The following SLC8A1 variants were observed in gnomAD, a reference collection of about 807,000 sequenced individuals.
SLC8A1 encodes sodium/calcium exchanger 1.
A neutral mutation model predicts 68.3 loss-of-function variants in SLC8A1; 18 were observed. The observed-to-expected ratio is 0.26, with a 90% CI of 0.18 to 0.39. SLC8A1 has a LOEUF of 0.39. Ranked by LOEUF, SLC8A1 falls within the 10% of genes least tolerant of loss-of-function variation. SLC8A1 has a pLI of 1.00. For synonymous variants in SLC8A1, 475 were observed against 415.5 expected (o/e 1.14, Z -1.74); for missense variants, 985 against 1,156.7 (o/e 0.85, Z 2.15).
At chr2:40,426,010 G>A (rs1391488170) in intron 2 of SLC8A1, among the ~76,000 whole-genome samples, 2 of 151,882 alleles carry the variant, frequency 1.3e-5, no homozygotes, top group Non-Finnish European at 1.5e-5. Flanking sequence ...GAAACCTTGT[G>A]TTTGAATCTT....
intron 2 of SLC8A1, among the ~76,000 whole-genome samples, chr2:40,294,714 A>G (rs2070006667): frequency 6.6e-6 from 1 of 152,182 alleles, no homozygotes; most frequent in South Asian, 2.1e-4. Context: ...ATATCCTTAA[A>G]TGTTAAAAAG....
intron 2 of SLC8A1, among the ~76,000 whole-genome samples, chr2:40,180,122 A>G (rs17503660): frequency 6.6e-6 from 1 of 151,926 alleles, no homozygotes; most frequent in Admixed American, 6.6e-5. Context: ...TCATCTTTTA[A>G]AGAGTGGTTA....
In SLC8A1 at chr2:40,246,371, C is replaced by T. The variant is rs906392601; in HGVS notation, c.1809-68516G>A. Among the ~76,000 whole-genome samples, 6 of 152,318 alleles carry T rather than the reference C, an allele frequency of 3.9e-5. No homozygotes were observed. In the South Asian group the frequency reaches 8.3e-4, roughly 21 times the overall value. ...ACCCTGCAATCATGCAACTTTTGGC[C>T]AGAGTCAAATAGGGCAACTAAATTT... On this transcript the variant is annotated intron_variant, in intron 2 of 7. Transcript: ENST00000406785.
intron 4 of SLC8A1, among the ~76,000 whole-genome samples, chr2:40,166,477 C>T (rs1266532200): frequency 1.3e-5 from 2 of 152,132 alleles, no homozygotes; most frequent in African/African-American, 4.8e-5. Context: ...TAGTTGCAGA[C>T]TAAAAATAAA....
chr2:40,255,755 G>C (rs768608425), intron 2 of SLC8A1, among the ~76,000 whole-genome samples: 45 of 152,206 alleles, frequency 3.0e-4, no homozygotes, highest in Non-Finnish European at 5.1e-4. Flanking sequence ...AGACTATCAC[G>C]GTATCCTTCA....
intron 2 of SLC8A1, among the ~76,000 whole-genome samples, chr2:40,237,538 C>G (rs1467675687): frequency 6.6e-6 from 1 of 151,628 alleles, no homozygotes; most frequent in African/African-American, 2.4e-5. Flanking sequence ...AACTTCTTTG[C>G]CTTTGGTTTG....
chr2:40,207,198 C>A (rs2055617137), intron 2 of SLC8A1, among the ~76,000 whole-genome samples: 1 of 151,928 alleles, frequency 6.6e-6, no homozygotes. Flanking sequence ...GTCTTAGGTT[C>A]AATTAAAGAT....
At chr2:40,427,211 A>G (rs1317831123) in intron 2 of SLC8A1, among the ~76,000 whole-genome samples, 1 of 152,040 alleles carries the variant, frequency 6.6e-6, no homozygotes, top group South Asian at 2.1e-4. Context: ...AAAGAGATGT[A>G]AAGACACTGG....
At position 40,124,225 on chromosome 2, in the gene SLC8A1, T is replaced by C. The variant is rs188207414; in HGVS notation, c.2438-8596A>G. 5.8e-4 allele frequency among the ~76,000 whole-genome samples: 89 copies of C among 152,314 alleles called. 2 individuals are homozygous for C. Among genetic ancestry groups the C allele is most frequent in the African/African-American group, 2.1e-3 (86 of 41,580 alleles). On this transcript the variant is annotated intron_variant, in intron 7 of 7. Coordinates refer to ENST00000406785, the Ensembl canonical transcript of SLC8A1. Reference sequence around the variant, plus strand: ...TAGCCTTAATGGGTTATAAGGAAACTTCGTTGTCAGCTGGATTATACTGGT... The same window carrying C: ...TAGCCTTAATGGGTTATAAGGAAACCTCGTTGTCAGCTGGATTATACTGGT...
chr2:40,499,958 T>C (rs911084881), intron 1 of SLC8A1, among the ~76,000 whole-genome samples: 1 of 152,062 alleles, frequency 6.6e-6, no homozygotes, highest in African/African-American at 2.4e-5. Flanking sequence ...TGATGTTTTA[T>C]AGAAAGTGGG....
rs544269631 is a variant in SLC8A1, at chr2:40,358,092, C to T, written c.1808+70381G>A. Among the ~76,000 whole-genome samples the T allele has an allele frequency of 1.2e-3, 174 of 147,856 alleles. 1 individual carries two copies. Among genetic ancestry groups the T allele is most frequent in the African/African-American group, 3.9e-3 (158 of 40,086 alleles). On this transcript the variant is annotated intron_variant, in intron 2 of 7. Coordinates refer to ENST00000406785, the Ensembl canonical transcript of SLC8A1. ...AAAAAGGTGGCGGTGCTGGTGGTGA[C>T]CTAGCCCTCATTCCTGTTATGAATG...
At chr2:40,424,133 G>A (rs1696234688) in intron 2 of SLC8A1, among the ~76,000 whole-genome samples, 2 of 151,918 alleles carry the variant, frequency 1.3e-5, no homozygotes, top group South Asian at 4.1e-4. Context: ...ATTGTGTGCA[G>A]AAATTAGTAT....
intron 2 of SLC8A1, among the ~76,000 whole-genome samples, chr2:40,258,018 G>A (rs1342717870): frequency 6.6e-6 from 1 of 152,166 alleles, no homozygotes; most frequent in Non-Finnish European, 1.5e-5. Flanking sequence ...ATATACCAGC[G>A]TGGGTGATGC....
exon 8 of SLC8A1, chr2:40,105,736 C>T (rs560724266): frequency 9.4e-5 from 14 of 148,522 alleles, no homozygotes; most frequent in African/African-American, 3.2e-4. Flanking sequence ...CAGGCTGGTT[C>T]ACAGCTGAAA....
chr2:40,304,021 G>A (rs2072079676), intron 2 of SLC8A1, among the ~76,000 whole-genome samples: 1 of 152,184 alleles, frequency 6.6e-6, no homozygotes, highest in Non-Finnish European at 1.5e-5. Flanking sequence ...AAGATAAGCT[G>A]GAGGTCAACA....
At chr2:40,280,251 T>TAAAAAAAAA (rs67427562) in intron 2 of SLC8A1, among the ~76,000 whole-genome samples, 25 of 94,438 alleles carry the variant, frequency 2.6e-4, no homozygotes, top group African/African-American at 3.7e-4. Flanking sequence ...AAATAAACAC[T>TAAAAAAAAA]AAAAAAAAAA....
At chr2:40,479,582 A>C (rs1051625820) in intron 1 of SLC8A1, among the ~76,000 whole-genome samples, 1 of 152,168 alleles carries the variant, frequency 6.6e-6, no homozygotes, top group African/African-American at 2.4e-5. Context: ...GAAACACAGA[A>C]GTTTCTTATC....
At chr2:40,430,245 G>T (rs747163311) in exon 2 of SLC8A1, 5 of 1,613,108 alleles carry the variant, frequency 3.1e-6, no homozygotes, top group African/African-American at 1.3e-5. Context: ...CCATTGAAAA[G>T]GTGGGTGAAA....
At chr2:40,180,662 G>C (rs2049342519) in intron 2 of SLC8A1, among the ~76,000 whole-genome samples, 1 of 152,210 alleles carries the variant, frequency 6.6e-6, no homozygotes, top group African/African-American at 2.4e-5. Context: ...CTCATTGTGA[G>C]AGTCACGTTG....
Sources: gnomAD v4.1 joint callset for allele counts (sites outside exome capture counted in the v4.1 genomes callset) on GRCh38, gnomAD v4.1.1 for gene constraint, MANE v1.5 for transcripts, NCBI Gene and HGNC (gene_info 2026-07-23, HGNC 2026-07-21) for gene names.